TRAPPC9: variants seen among roughly 807,000 people sequenced by gnomAD.
TRAPPC9 encodes trafficking protein particle complex subunit 9.
In TRAPPC9, 83 loss-of-function variants were observed where a neutral mutation model predicts 124.0. The ratio of observed to expected loss-of-function variants is 0.67; its 90% confidence interval spans 0.56 to 0.80. The LOEUF is 0.80. TRAPPC9 is among the 30% of genes least tolerant of loss of function. The pLI, the probability that TRAPPC9 is intolerant of heterozygous loss-of-function variation, is 0.00. For missense variants in TRAPPC9, 1,302 were observed against 1,508.3 expected, an observed-to-expected ratio of 0.86 and a Z score of 2.27; for synonymous variants, 638 against 617.5, an observed-to-expected ratio of 1.03 and a Z score of -0.49.
chr8:139,877,973 A>G (rs1829436904), intron 21 of TRAPPC9, among the ~76,000 whole-genome samples: 1 of 152,146 alleles, frequency 6.6e-6, no homozygotes, highest in African/African-American at 2.4e-5. Context: ...ATCACACAAT[A>G]AAGTTGACAG....
chr8:139,888,491 C>A (rs893526542), intron 20 of TRAPPC9, among the ~76,000 whole-genome samples: 2 of 152,090 alleles, frequency 1.3e-5, no homozygotes, highest in African/African-American at 4.8e-5. Context: ...TTAGCATCAG[C>A]CTCATCCCCA....
intron 5 of TRAPPC9, among the ~76,000 whole-genome samples, chr8:140,424,726 T>C (rs1453149233): frequency 6.6e-6 from 1 of 151,256 alleles, no homozygotes; most frequent in Admixed American, 6.6e-5. Flanking sequence ...AAAATGCAGA[T>C]AAAGAACACA....
At chr8:140,155,262 C>T (rs1018492548) in intron 17 of TRAPPC9, among the ~76,000 whole-genome samples, 4 of 152,188 alleles carry the variant, frequency 2.6e-5, no homozygotes, top group African/African-American at 9.7e-5. Context: ...CAGACTCCCT[C>T]GCCTCAGGAT....
chr8:140,137,498 G>A (rs1222231026), intron 17 of TRAPPC9, among the ~76,000 whole-genome samples: 4 of 152,182 alleles, frequency 2.6e-5, no homozygotes, highest in African/African-American at 4.8e-5. Context: ...TGGCGAGCAC[G>A]TCCTGGGTGC....
At chr8:139,968,158 A>C (rs6993102) in intron 19 of TRAPPC9, among the ~76,000 whole-genome samples, 7,888 of 151,532 alleles carry the variant, frequency 0.052, 367 homozygotes, top group African/African-American at 0.12. Flanking sequence ...CAAAAAAAAA[A>C]CCAAAAAACA....
intron 8 of TRAPPC9, among the ~76,000 whole-genome samples, chr8:140,361,753 C>T (rs1333733728): frequency 3.3e-5 from 5 of 151,996 alleles, no homozygotes; most frequent in African/African-American, 1.2e-4. Context: ...GTCAAAATCC[C>T]CCATTCAGGT....
intron 21 of TRAPPC9, among the ~76,000 whole-genome samples, chr8:139,765,168 A>G (rs1551759): frequency 0.21 from 32,242 of 152,066 alleles, 4,427 homozygotes; most frequent in African/African-American, 0.39. Context: ...GGTCCCCCCA[A>G]ACACACTCTC....
intron 21 of TRAPPC9, among the ~76,000 whole-genome samples, chr8:139,758,959 C>A (rs1477927469): frequency 6.6e-6 from 1 of 152,294 alleles, no homozygotes; most frequent in East Asian, 1.9e-4. Context: ...CAGGGGCAGC[C>A]CTGGCCTCCC....
chr8:140,430,860 A>C (rs1485221810), intron 4 of TRAPPC9, among the ~76,000 whole-genome samples: 1 of 151,882 alleles, frequency 6.6e-6, no homozygotes, highest in Non-Finnish European at 1.5e-5. Flanking sequence ...GGCTGGTCTC[A>C]AATTCCTGGG....
At chr8:140,316,912 G>A (rs748228123) in intron 9 of TRAPPC9, among the ~76,000 whole-genome samples, 4 of 152,228 alleles carry the variant, frequency 2.6e-5, no homozygotes, top group East Asian at 3.9e-4. Flanking sequence ...GTTTTTGGTC[G>A]TTCAGATTTT....
intron 17 of TRAPPC9, chr8:140,099,325 T>C (rs995004750): frequency 7.5e-6 from 1 of 132,518 alleles, no homozygotes; most frequent in Non-Finnish European, 1.6e-5. Flanking sequence ...GCAACTGCAG[T>C]AGTGCCGCAA....
intron 19 of TRAPPC9, among the ~76,000 whole-genome samples, chr8:139,960,732 G>A (rs1835326496): frequency 8.0e-6 from 1 of 124,314 alleles, no homozygotes; most frequent in African/African-American, 2.6e-5. Context: ...ACCATGTGGG[G>A]GACACCCAAG....
chr8:140,112,404 A>T (rs2060797024), intron 17 of TRAPPC9, among the ~76,000 whole-genome samples: 1 of 151,854 alleles, frequency 6.6e-6, no homozygotes, highest in Non-Finnish European at 1.5e-5. Flanking sequence ...TGAGGAGAGT[A>T]ATGGAGAATT....
intron 17 of TRAPPC9, among the ~76,000 whole-genome samples, chr8:140,211,985 G>T (rs1389234142): frequency 6.6e-6 from 1 of 152,240 alleles, no homozygotes; most frequent in African/African-American, 2.4e-5. Flanking sequence ...CTGACTCTGG[G>T]TGTGCCACTT....
At chr8:140,029,995 T>C (rs182273581) in intron 17 of TRAPPC9, among the ~76,000 whole-genome samples, 188 of 152,254 alleles carry the variant, frequency 1.2e-3, no homozygotes, top group African/African-American at 4.2e-3. Context: ...ATCAAAGTCA[T>C]TCACCATATT....
chr8:139,940,604 G>A (rs1447629008), intron 19 of TRAPPC9, among the ~76,000 whole-genome samples: 1 of 152,242 alleles, frequency 6.6e-6, no homozygotes, highest in Non-Finnish European at 1.5e-5. Flanking sequence ...AAGGTGCAGA[G>A]GGGCCGGCAG....
At chr8:139,962,740 C>T (rs1313777392) in intron 19 of TRAPPC9, among the ~76,000 whole-genome samples, 1 of 123,968 alleles carries the variant, frequency 8.1e-6, no homozygotes, top group Non-Finnish European at 1.9e-5. Flanking sequence ...ACCAGAGCTC[C>T]CTCCCCTGTC....
At chr8:140,395,317 G>A (rs1037479835) in intron 7 of TRAPPC9, among the ~76,000 whole-genome samples, 1 of 151,960 alleles carries the variant, frequency 6.6e-6, no homozygotes, top group Non-Finnish European at 1.5e-5. Context: ...TTGACTTATC[G>A]GCCTCCCTAC....
At chr8:139,832,635 C>T (rs1271973198) in intron 21 of TRAPPC9, among the ~76,000 whole-genome samples, 7 of 152,298 alleles carry the variant, frequency 4.6e-5, no homozygotes, top group Admixed American at 6.5e-5. Context: ...AATAAAGGTC[C>T]GCCAGAGTGA....
Sources: gnomAD v4.1 joint callset for allele counts (sites outside exome capture counted in the v4.1 genomes callset) on GRCh38, gnomAD v4.1.1 for gene constraint, MANE v1.5 for transcripts, NCBI Gene and HGNC (gene_info 2026-07-23, HGNC 2026-07-21) for gene names.